The following NCOA5 variants were observed in gnomAD, a reference collection of about 807,000 sequenced individuals.
NCOA5 encodes NCoA-5.
NCOA5 carries 12 observed loss-of-function variants against 59.0 expected under a neutral mutation model. The observed-to-expected ratio is 0.20, with a 90% confidence interval of 0.13 to 0.33. The LOEUF is 0.33. Among genes scored for constraint, NCOA5 ranks in the 10% least tolerant of loss-of-function variants. The pLI is 1.00. For synonymous variants in NCOA5, 270 were observed against 275.5 expected (o/e 0.98, Z 0.20); for missense variants, 655 against 766.6 (o/e 0.85, Z 1.72).
rs1600613664 is a variant in NCOA5 at position 46,062,208 on chromosome 20, C to T, written c.*92G>A. The T allele has an allele frequency of 1.0e-6, 1 of 973,964 alleles. No homozygotes were observed. The highest frequency in any genetic ancestry group is 2.6e-5 in the East Asian group (1 of 38,630). 60.3% of individuals were successfully genotyped at this position (973,964 alleles called of 1,614,324 possible). On this transcript the variant is annotated 3_prime_UTR_variant, in exon 8 of 8. Transcript: ENST00000290231. ...GACACTCGATGCCGGCCTGGGAGCG[C>T]AGAGAACATCCTCCAAACAGCTCTA...
intron 1 of NCOA5, among the ~76,000 whole-genome samples, chr20:46,080,481 T>TA (rs754255536): frequency 5.3e-5 from 8 of 152,186 alleles, no homozygotes; most frequent in Non-Finnish European, 1.2e-4. Context: ...CAAATGGTAT[T>TA]AAGTACTCAC....
intron 1 of NCOA5, among the ~76,000 whole-genome samples, chr20:46,083,312 A>G (rs2145553088): frequency 6.6e-6 from 1 of 152,332 alleles, no homozygotes; most frequent in South Asian, 2.1e-4. Flanking sequence ...AGCCAGCATG[A>G]AAAGGAAGTC....
chr20:46,069,574 C>CA (rs879921972), intron 3 of NCOA5, among the ~76,000 whole-genome samples: 4 of 152,024 alleles, frequency 2.6e-5, no homozygotes, highest in South Asian at 2.1e-4. Flanking sequence ...CACGTCTATA[C>CA]AAAAAAATTA....
At chr20:46,073,317 C>T (rs13038746) in intron 2 of NCOA5, among the ~76,000 whole-genome samples, 1 of 152,182 alleles carries the variant, frequency 6.6e-6, no homozygotes, top group Non-Finnish European at 1.5e-5. Flanking sequence ...GTTATATATT[C>T]TAAGGTTCAC....
rs1231224517 is a variant in NCOA5 at position 46,062,906 on chromosome 20, G to A, written c.1151-17C>T. On this transcript the variant is annotated splice_polypyrimidine_tract_variant and intron_variant, in intron 7 of 7. Coordinates refer to ENST00000290231, the MANE Select transcript of NCOA5 (RefSeq NM_020967.3). The stretch of plus-strand genomic sequence containing the variant: ...AAATCGGGCCTGGAAGACAGAAGAG[G>A]GAGGTATCTGGTTCAAAGTACCCCC... 1 of 1,510,580 alleles carries A rather than the reference G, an allele frequency of 6.6e-7. No homozygotes were observed. The highest frequency in any genetic ancestry group is 8.8e-7 in the Non-Finnish European group (1 of 1,134,322). The allele number at this position is 1,510,580 out of a possible 1,614,324, so 93.6% of individuals were successfully genotyped here. A position where few individuals can be genotyped will look rare whatever the true frequency, so the allele number is the denominator to read the frequency against.
At chr20:46,070,727 A>G (rs556925872) in intron 2 of NCOA5, among the ~76,000 whole-genome samples, 191 bp from the exon 3 acceptor site, 1 of 152,316 alleles carries the variant, frequency 6.6e-6, no homozygotes, top group East Asian at 1.9e-4. Flanking sequence ...CCACAATCTC[A>G]AAAGATTAGG....
intron 6 of NCOA5, among the ~76,000 whole-genome samples, 174 bp from the exon 7 acceptor site, chr20:46,063,854 G>C (rs1272448091): frequency 6.6e-6 from 1 of 152,182 alleles, no homozygotes; most frequent in East Asian, 1.9e-4. Flanking sequence ...GCCAGGAAGG[G>C]AAGTGAACGA....
At chr20:46,085,198 T>G (rs1473417474) in intron 1 of NCOA5, among the ~76,000 whole-genome samples, 1 of 85,110 alleles carries the variant, frequency 1.2e-5, no homozygotes, top group African/African-American at 3.9e-5. Context: ...ACGCAGCTAA[T>G]TTTTTTTTTT....
intron 5 of NCOA5, among the ~76,000 whole-genome samples, 169 bp downstream of exon 5, chr20:46,066,886 C>T (rs2084829962): frequency 6.6e-6 from 1 of 152,148 alleles, no homozygotes; most frequent in African/African-American, 2.4e-5. Flanking sequence ...CCCTTTTGGC[C>T]TCAATTTGAA....
chr20:46,084,009 T>A (rs1410125343), intron 1 of NCOA5, among the ~76,000 whole-genome samples: 1 of 152,236 alleles, frequency 6.6e-6, no homozygotes, highest in African/African-American at 2.4e-5. Context: ...CCAACTAAAA[T>A]AATTATTACA....
At chr20:46,088,198 G>T (rs1286510746) in intron 1 of NCOA5, among the ~76,000 whole-genome samples, 1 of 152,152 alleles carries the variant, frequency 6.6e-6, no homozygotes, top group Non-Finnish European at 1.5e-5. Context: ...TCACAGGTAT[G>T]CAACATTGAG....
At chr20:46,089,651 G>A (rs2085081156) in intron 1 of NCOA5, among the ~76,000 whole-genome samples, 166 bp downstream of exon 1, 1 of 151,960 alleles carries the variant, frequency 6.6e-6, no homozygotes, top group African/African-American at 2.4e-5. Context: ...GCCGCGCCCC[G>A]CACCGGGCAT....
chr20:46,068,358 T>C, intron 4 of NCOA5, 144 bp downstream of exon 4: 1 of 738,828 alleles, frequency 1.4e-6, no homozygotes, highest in Non-Finnish European at 2.0e-6. Context: ...TACCCACTAA[T>C]AAGCTACTTA....
At chr20:46,068,930 C>T (rs1440926141) in intron 3 of NCOA5, among the ~76,000 whole-genome samples, 1 of 152,132 alleles carries the variant, frequency 6.6e-6, no homozygotes, top group African/African-American at 2.4e-5. Context: ...TATCTAAACG[C>T]ATATAACAAT....
intron 5 of NCOA5, 74 bp downstream of exon 5, chr20:46,066,979 GAT>G: frequency 1.3e-6 from 2 of 1,519,020 alleles, no homozygotes; most frequent in Non-Finnish European, 1.8e-6. Flanking sequence ...AGATTCAGTG[GAT>G]AGAGGTGCTA....
intron 5 of NCOA5, among the ~76,000 whole-genome samples, chr20:46,066,320 T>C (rs1449061283): frequency 6.6e-6 from 1 of 152,202 alleles, no homozygotes; most frequent in East Asian, 1.9e-4. Flanking sequence ...AACATGGTCA[T>C]GTAACAGTTC....
At chr20:46,063,225 C>A (rs1032185434) in intron 7 of NCOA5, 135 bp downstream of exon 7, 12 of 827,540 alleles carry the variant, frequency 1.5e-5, no homozygotes, top group Non-Finnish European at 1.7e-5. Flanking sequence ...GGGTGGCCCA[C>A]GGGAGAACCC....
chr20:46,072,025 C>T (rs1270576009), intron 2 of NCOA5, among the ~76,000 whole-genome samples: 2 of 152,242 alleles, frequency 1.3e-5, no homozygotes, highest in African/African-American at 4.8e-5. Context: ...AATGGCACAT[C>T]CAACTACTCA....
In NCOA5 at chr20:46,063,489, C is replaced by G; in HGVS notation, c.1021G>C (p.Ala341Pro). Residue 341 changes from alanine (A) to proline (P), a missense_variant, in exon 7 of 8, where the codon GCC becomes CCC. By Grantham distance (27) the Ala-to-Pro change is conservative (BLOSUM62 -1). This residue lies in a region of NCOA5 where 325 missense variants were observed against 353.2 expected (regional missense o/e 0.92). Coordinates refer to ENST00000290231, the MANE Select transcript of NCOA5 (RefSeq NM_020967.3). ...AGCAGGTTGATGAGGCTCTGGATGG[C>G]TGGAGGGTGGCCCCCACGCACTCCC... ...EEGVRGGHPP[A>P]IQSLINLLAD... 6.2e-7 allele frequency: 1 copy of G among 1,614,208 alleles called. No individual in the cohort carries two copies. Among genetic ancestry groups the G allele is most frequent in the Non-Finnish European group, 8.5e-7 (1 of 1,180,040 alleles).
Sources: gnomAD v4.1 joint callset for allele counts (sites outside exome capture counted in the v4.1 genomes callset) on GRCh38, gnomAD v4.1.1 for gene constraint, gnomAD v4.1.1 regional missense constraint, MANE v1.5 for transcripts, NCBI Gene and HGNC (gene_info 2026-07-23, HGNC 2026-07-21) for gene names.